INSYN2B: variants seen among roughly 807,000 people sequenced by gnomAD.
INSYN2B encodes the protein protein INSYN2B.
In INSYN2B, 16 loss-of-function variants were observed where a neutral mutation model predicts 41.2. The observed-to-expected ratio is 0.39, with a 90% CI of 0.26 to 0.59. The LOEUF (loss-of-function observed/expected upper bound fraction) is 0.59, where lower values mean the gene tolerates loss of function less well. Among genes scored for constraint, INSYN2B ranks in the 20% least tolerant of loss-of-function variants. The pLI is 0.57. For synonymous variants in INSYN2B, 245 were observed against 244.4 expected (o/e 1.00, Z -0.02); for missense variants, 608 against 646.4 (o/e 0.94, Z 0.64).
At chr5:169,966,078 G>C (rs935171462) in intron 1 of INSYN2B, among the ~76,000 whole-genome samples, 2 of 152,172 alleles carry the variant, frequency 1.3e-5, no homozygotes, top group Admixed American at 6.5e-5. Context: ...TGCCAATCTC[G>C]AAATGGCAAT....
chr5:169,875,282 G>T (rs1487566304), intron 3 of INSYN2B: 4 of 456,676 alleles, frequency 8.8e-6, no homozygotes, highest in Non-Finnish European at 1.8e-5. Context: ...TGATTCAGTG[G>T]CTTTGGGGCT....
In INSYN2B at chr5:169,862,355, A is replaced by G. The variant is rs1273681451; in HGVS notation, c.*1918T>C. Among the ~76,000 whole-genome samples, 1 of 152,232 alleles carries G rather than the reference A, an allele frequency of 6.6e-6. No homozygotes were observed. Among genetic ancestry groups the G allele is most frequent in the East Asian group, 1.9e-4 (1 of 5,200 alleles). ...TGCCCGAGAATATAAATTCACATGA[A>G]ATTAGCGTAAGCAAAGCAAATTAAG... On this transcript the variant is annotated 3_prime_UTR_variant, in exon 4 of 4. Coordinates refer to ENST00000377365, the MANE Select transcript of INSYN2B (RefSeq NM_001129891.3).
At chr5:169,869,179 A>G (rs977957219) in intron 3 of INSYN2B, among the ~76,000 whole-genome samples, 6 of 152,058 alleles carry the variant, frequency 3.9e-5, no homozygotes, top group African/African-American at 1.4e-4. Context: ...GTAGCTGCGC[A>G]CCTTACCAGC....
chr5:169,961,681 G>T (rs887172961), intron 1 of INSYN2B, among the ~76,000 whole-genome samples: 3 of 152,016 alleles, frequency 2.0e-5, no homozygotes, highest in Non-Finnish European at 2.9e-5. Context: ...AGTTTTTTAA[G>T]AAGAATAGAA....
chr5:169,911,483 G>A (rs752500516), intron 1 of INSYN2B, among the ~76,000 whole-genome samples: 2 of 152,168 alleles, frequency 1.3e-5, no homozygotes, highest in Non-Finnish European at 2.9e-5. Context: ...GTTTAATGTG[G>A]CCAGTGACAT....
intron 1 of INSYN2B, among the ~76,000 whole-genome samples, chr5:169,958,449 G>A (rs1241647710): frequency 6.6e-6 from 1 of 152,154 alleles, no homozygotes; most frequent in African/African-American, 2.4e-5. Context: ...AGAATGTTCT[G>A]CTTGAAAAGC....
intron 1 of INSYN2B, among the ~76,000 whole-genome samples, chr5:169,948,908 T>C (rs919445917): frequency 6.6e-6 from 1 of 152,096 alleles, no homozygotes; most frequent in African/African-American, 2.4e-5. Flanking sequence ...ACATACTGTT[T>C]GGCATAAGGG....
intron 1 of INSYN2B, among the ~76,000 whole-genome samples, chr5:169,944,920 C>T (rs1422537214): frequency 2.0e-5 from 3 of 152,176 alleles, no homozygotes; most frequent in African/African-American, 4.8e-5. Flanking sequence ...CTCTTGTCTG[C>T]TACATGTTCT....
At chr5:169,866,782 T>C (rs568382443) in intron 3 of INSYN2B, among the ~76,000 whole-genome samples, 100 of 152,236 alleles carry the variant, frequency 6.6e-4, no homozygotes, top group African/African-American at 2.4e-3. Context: ...TGAAACCATG[T>C]TTTTCCTCTG....
chr5:169,978,142 A>T (rs1214007678), intron 1 of INSYN2B, among the ~76,000 whole-genome samples: 1 of 151,976 alleles, frequency 6.6e-6, no homozygotes, highest in Non-Finnish European at 1.5e-5. Context: ...GCAACGTGTC[A>T]CCAGCTGGTA....
chr5:169,898,503 T>A (rs1233060092), intron 1 of INSYN2B, among the ~76,000 whole-genome samples: 1 of 151,816 alleles, frequency 6.6e-6, no homozygotes. Context: ...GATAGGAGTA[T>A]CCTCTACATG....
At chr5:169,868,680 C>A (rs1771749954) in intron 3 of INSYN2B, among the ~76,000 whole-genome samples, 1 of 152,126 alleles carries the variant, frequency 6.6e-6, no homozygotes, top group Admixed American at 6.5e-5. Flanking sequence ...ATCACTTCAG[C>A]CCAGGAAATT....
chr5:169,904,354 G>C (rs2113594931), intron 1 of INSYN2B, among the ~76,000 whole-genome samples: 1 of 152,270 alleles, frequency 6.6e-6, no homozygotes, highest in Non-Finnish European at 1.5e-5. Context: ...GCTGAGATGT[G>C]TTGTATTTTT....
intron 1 of INSYN2B, among the ~76,000 whole-genome samples, chr5:169,962,697 T>TA (rs1221395698): frequency 1.3e-5 from 2 of 152,070 alleles, no homozygotes; most frequent in Admixed American, 6.5e-5. Context: ...AATACGGCAC[T>TA]AAAAAGTAGG....
chr5:169,921,341 T>A (rs1775164372), intron 1 of INSYN2B, among the ~76,000 whole-genome samples: 2 of 152,206 alleles, frequency 1.3e-5, no homozygotes, highest in Admixed American at 1.3e-4. Flanking sequence ...AATCTTTATT[T>A]GTATTTACTA....
At chr5:169,864,963 G>A (rs114498491) in intron 3 of INSYN2B, among the ~76,000 whole-genome samples, 28 of 152,280 alleles carry the variant, frequency 1.8e-4, no homozygotes, top group Middle Eastern at 3.4e-3. Context: ...AGTGCCTGGC[G>A]TGCGCTAAGT....
At chr5:169,889,398 T>C (rs1417010893) in intron 1 of INSYN2B, among the ~76,000 whole-genome samples, 1 of 152,170 alleles carries the variant, frequency 6.6e-6, no homozygotes, top group South Asian at 2.1e-4. Flanking sequence ...ACTGTGGAGA[T>C]TCCAAGGAGG....
intron 1 of INSYN2B, among the ~76,000 whole-genome samples, chr5:169,972,623 G>C (rs1777561948): frequency 7.8e-6 from 1 of 128,002 alleles, no homozygotes; most frequent in African/African-American, 2.8e-5. Flanking sequence ...TAGATAGATA[G>C]ATAGATGATA....
At chr5:169,877,151 G>A (rs1409883852) in intron 3 of INSYN2B, among the ~76,000 whole-genome samples, 1 of 152,150 alleles carries the variant, frequency 6.6e-6, no homozygotes, top group Admixed American at 6.6e-5. Context: ...GAAAGCAAAG[G>A]AACTTATGTA....
Sources: allele counts gnomAD v4.1 joint callset (sites outside exome capture counted in the v4.1 genomes callset), GRCh38; gene constraint gnomAD v4.1.1; transcripts MANE v1.5; gene names NCBI Gene and HGNC (gene_info 2026-07-23, HGNC 2026-07-21).